The following DIAPH3 variants were observed in gnomAD, a reference collection of about 807,000 sequenced individuals.
DIAPH3 encodes protein diaphanous homolog 3.
DIAPH3 carries 117 observed loss-of-function variants against 144.3 expected under a neutral mutation model. The ratio of observed to expected loss-of-function variants is 0.81; its 90% confidence interval spans 0.70 to 0.95. The LOEUF is 0.95. Among genes scored for constraint, DIAPH3 ranks in the 40% least tolerant of loss-of-function variants. The pLI is 0.00. For synonymous variants in DIAPH3, 519 were observed against 488.9 expected (o/e 1.06, Z -0.81); for missense variants, 1,421 against 1,412.7 (o/e 1.01, Z -0.09).
At chr13:59,818,872 A>C (rs1309439487) in intron 24 of DIAPH3, among the ~76,000 whole-genome samples, 2 of 151,738 alleles carry the variant, frequency 1.3e-5, no homozygotes, top group Non-Finnish European at 3.0e-5. Context: ...ATTTCCATAC[A>C]TTCTATTTGC....
intron 27 of DIAPH3, among the ~76,000 whole-genome samples, chr13:59,689,662 G>A (rs1026513289): frequency 5.3e-5 from 8 of 151,996 alleles, no homozygotes; most frequent in African/African-American, 9.7e-5. Flanking sequence ...TGGTTTCCAC[G>A]CTGATTTTGA....
intron 4 of DIAPH3, among the ~76,000 whole-genome samples, chr13:60,073,645 C>A (rs1200330982): frequency 6.6e-6 from 1 of 152,178 alleles, no homozygotes; most frequent in East Asian, 1.9e-4. Context: ...TGGCATCCAG[C>A]ATTGTAACAC....
intron 27 of DIAPH3, among the ~76,000 whole-genome samples, chr13:59,668,741 T>C (rs2032173423): frequency 1.3e-5 from 2 of 152,174 alleles, no homozygotes; most frequent in Non-Finnish European, 2.9e-5. Context: ...AAGGAAAGTT[T>C]CTAATCAGAA....
chr13:59,708,596 T>G (rs2034556331), intron 27 of DIAPH3, among the ~76,000 whole-genome samples: 1 of 152,184 alleles, frequency 6.6e-6, no homozygotes, highest in African/African-American at 2.4e-5. Flanking sequence ...GTTTTCCATC[T>G]CAGTGTTTTG....
intron 2 of DIAPH3, among the ~76,000 whole-genome samples, chr13:60,113,079 T>C (rs1176957791): frequency 6.6e-6 from 1 of 152,192 alleles, no homozygotes; most frequent in African/African-American, 2.4e-5. Flanking sequence ...GTTGTATACA[T>C]TTTTAAGCTA....
At position 59,833,153 on chromosome 13, in the gene DIAPH3, A is replaced by T; in HGVS notation, c.2981T>A (p.Val994Glu). 1 of 1,610,954 alleles carries T rather than the reference A, an allele frequency of 6.2e-7. No homozygotes were observed. Among genetic ancestry groups the T allele is most frequent in the Non-Finnish European group, 8.5e-7 (1 of 1,178,130 alleles). Residue 994 changes from valine (V) to glutamate (E), a missense_variant, in exon 24 of 28, where the codon GTG becomes GAG. Coordinates refer to ENST00000400324, the MANE Select transcript of DIAPH3 (RefSeq NM_001042517.2). ...ATTCAGGTCAGTAAGAAAGTCTTCC[A>T]CAGACACCTTCTTCACATCAATGGC... The part of the protein sequence containing the change: ...YYAIDVKKVS[V>E]EDFLTDLNNF...
intron 22 of DIAPH3, among the ~76,000 whole-genome samples, chr13:59,843,756 T>G (rs2042469963): frequency 6.6e-6 from 1 of 152,144 alleles, no homozygotes; most frequent in African/African-American, 2.4e-5. Flanking sequence ...TCTCACTTGG[T>G]TTTTAAATAA....
chr13:59,822,602 G>A (rs1384245378), intron 24 of DIAPH3, among the ~76,000 whole-genome samples: 7 of 151,934 alleles, frequency 4.6e-5, no homozygotes, highest in Non-Finnish European at 5.9e-5. Context: ...CAACATGCCT[G>A]GCTAATTTTT....
At chr13:59,973,859 G>A (rs1488046700) in intron 15 of DIAPH3, among the ~76,000 whole-genome samples, 2 of 152,034 alleles carry the variant, frequency 1.3e-5, no homozygotes, top group Admixed American at 6.6e-5. Flanking sequence ...GGAGCTATCT[G>A]CTTCATAATC....
rs568024243 is a variant in DIAPH3, at chr13:59,916,177, C to A, written c.2243G>T (p.Arg748Leu). 7 of 1,612,930 alleles carry A rather than the reference C, an allele frequency of 4.3e-6. No individual in the cohort carries two copies. Among genetic ancestry groups the A allele is most frequent in the East Asian group, 2.2e-5 (1 of 44,754 alleles). ...TACCTGAATCATAGACTCTGCCAAC[C>A]GTGTTTCATCTACTTCCAATATCAT... ...RMMILEVDET[R>L]LAESMIQNLI... The change falls in exon 19 of 28, where the codon CGG becomes CTG. Residue 748 changes from arginine to leucine, a missense_variant. Arg to Leu is a moderately radical substitution (Grantham distance 102). Transcript: ENST00000400324.
intron 1 of DIAPH3, among the ~76,000 whole-genome samples, chr13:60,146,742 T>C (rs1417684495): frequency 6.6e-6 from 1 of 152,204 alleles, no homozygotes; most frequent in Non-Finnish European, 1.5e-5. Flanking sequence ...CATATTTGTA[T>C]AGGACTTTTA....
At chr13:59,676,549 T>A (rs2032654727) in intron 27 of DIAPH3, among the ~76,000 whole-genome samples, 2 of 152,254 alleles carry the variant, frequency 1.3e-5, no homozygotes, top group Admixed American at 1.3e-4. Context: ...TTAAGTCAGT[T>A]CATTAGTTAA....
rs756593179 is a variant in DIAPH3, at chr13:59,970,131, C to T, written c.1960-73G>A. On this transcript the variant is annotated intron_variant, in intron 16 of 27. Coordinates refer to ENST00000400324, the MANE Select transcript of DIAPH3 (RefSeq NM_001042517.2). ...TGTCCCAAGTCAAGCACTATGCATA[C>T]ACTGAGTATCATAGCTGTCAGCAGA... 1.8e-4 allele frequency: 135 copies of T among 735,466 alleles called. 1 individual carries two copies. Among genetic ancestry groups the T allele is most frequent in the Non-Finnish European group, 2.5e-4 (111 of 441,250 alleles). The allele number at this position is 735,466 out of a possible 1,614,324, so 45.6% of individuals were successfully genotyped here. A position where few individuals can be genotyped will look rare whatever the true frequency, so the allele number is the denominator to read the frequency against.
chr13:59,738,635 A>G (rs1374869512), intron 27 of DIAPH3, among the ~76,000 whole-genome samples: 1 of 152,162 alleles, frequency 6.6e-6, no homozygotes, highest in Non-Finnish European at 1.5e-5. Context: ...TATATTCCTC[A>G]ACTGATGAAA....
At chr13:59,670,819 G>A (rs1005274302) in intron 27 of DIAPH3, among the ~76,000 whole-genome samples, 1 of 152,020 alleles carries the variant, frequency 6.6e-6, no homozygotes, top group Non-Finnish European at 1.5e-5. Context: ...TCCTGACCTC[G>A]TGATCCGCCC....
chr13:59,989,665 A>G (rs2051679207), intron 12 of DIAPH3, among the ~76,000 whole-genome samples: 1 of 151,942 alleles, frequency 6.6e-6, no homozygotes, highest in South Asian at 2.1e-4. Flanking sequence ...CCACAATTTA[A>G]TCTTTCTCCA....
At chr13:59,938,277 C>A (rs1308171650) in intron 17 of DIAPH3, among the ~76,000 whole-genome samples, 1 of 152,158 alleles carries the variant, frequency 6.6e-6, no homozygotes, top group African/African-American at 2.4e-5. Flanking sequence ...GTTATCTTAC[C>A]TTCTGGCTGG....
intron 1 of DIAPH3, among the ~76,000 whole-genome samples, chr13:60,156,846 G>A (rs1307828769): frequency 6.8e-6 from 1 of 147,032 alleles, no homozygotes; most frequent in Non-Finnish European, 1.5e-5. Flanking sequence ...TTTTCTCCCA[G>A]TACAAGATGT....
At chr13:59,969,491 C>T (rs182914877) in intron 17 of DIAPH3, among the ~76,000 whole-genome samples, 10 of 152,224 alleles carry the variant, frequency 6.6e-5, no homozygotes, top group African/African-American at 1.7e-4. Context: ...CCCATCAACC[C>T]GTCATCTACG....
Sources: allele counts gnomAD v4.1 joint callset (sites outside exome capture counted in the v4.1 genomes callset), GRCh38; gene constraint gnomAD v4.1.1; transcripts MANE v1.5; gene names NCBI Gene and HGNC (gene_info 2026-07-23, HGNC 2026-07-21).